PHACTR1: variants seen among roughly 807,000 people sequenced by gnomAD.
PHACTR1 encodes RPEL repeat containing 1.
PHACTR1 carries 16 observed loss-of-function variants against 69.2 expected under a neutral mutation model. That is an observed-to-expected ratio of 0.23 (90% CI 0.16 to 0.35). The LOEUF (loss-of-function observed/expected upper bound fraction) is 0.35. Among genes scored for constraint, PHACTR1 ranks in the 10% least tolerant of loss-of-function variants. The probability of loss-of-function intolerance (pLI) is 1.00; values close to 1 mark genes in which losing one functional copy is unlikely to be tolerated. For missense variants in PHACTR1, 510 were observed against 734.7 expected, an observed-to-expected ratio of 0.69 and a Z score of 3.54; for synonymous variants, 312 against 284.5, an observed-to-expected ratio of 1.10 and a Z score of -0.97.
chr6:13,058,972 A>G (rs986538311), intron 5 of PHACTR1, among the ~76,000 whole-genome samples: 5 of 152,160 alleles, frequency 3.3e-5, no homozygotes, highest in Non-Finnish European at 5.9e-5. Context: ...CATTATGCAG[A>G]TGATAGTAGC....
Position 13,206,018 on chromosome 6 carries a change from G to C in PHACTR1, c.868G>C (p.Gly290Arg). The stretch of plus-strand genomic sequence containing the variant: ...CCAGATCCAGCACCAGCTGCAGTAC[G>C]GCAGCCACGGCCAGCACCTCCCCTC... ...PSQIQHQLQYGSHGQHLPSTT... is the reference protein window; with the variant it reads ...PSQIQHQLQYRSHGQHLPSTT... Residue 290 changes from glycine (G) to arginine (R), a missense_variant, in exon 8 of 15, where the codon GGC (glycine) becomes CGC (arginine). Coordinates refer to ENST00000332995, the MANE Select transcript of PHACTR1 (RefSeq NM_030948.6). 6.2e-7 allele frequency: 1 copy of C among 1,613,670 alleles called. No individual in the cohort carries two copies. Among genetic ancestry groups the C allele is most frequent in the Non-Finnish European group, 8.5e-7 (1 of 1,179,828 alleles).
In PHACTR1 at chr6:12,920,099, A is replaced by T. The variant is rs1352021763; in HGVS notation, c.251-133266A>T. ...CTGAAATACATTATTTGCTCAAGAA[A>T]TATTGGTATGATTATTGCTGTTGTT... On this transcript the variant is annotated intron_variant, in intron 4 of 14. Coordinates refer to ENST00000332995, the MANE Select transcript of PHACTR1 (RefSeq NM_030948.6). 3.9e-5 allele frequency among the ~76,000 whole-genome samples: 6 copies of T among 152,374 alleles called. No homozygotes were observed. The East Asian group carries it at 1.2e-3, about 29-fold the overall frequency.
chr6:13,257,796 C>A (rs1775378472), intron 10 of PHACTR1, among the ~76,000 whole-genome samples: 1 of 152,124 alleles, frequency 6.6e-6, no homozygotes, highest in Admixed American at 6.5e-5. Flanking sequence ...CCTCCTTCAA[C>A]CTTTTATGAC....
intron 8 of PHACTR1, among the ~76,000 whole-genome samples, chr6:13,207,735 G>A (rs1275852740): frequency 6.6e-6 from 1 of 152,212 alleles, no homozygotes; most frequent in African/African-American, 2.4e-5. Context: ...GAGGTGCAAA[G>A]GGTATCTCTG....
At position 13,210,513 on chromosome 6, in the gene PHACTR1, C is replaced by T. The variant is rs893216604; in HGVS notation, c.986+4377C>T. Among the ~76,000 whole-genome samples, 4 of 152,164 alleles carry T rather than the reference C, an allele frequency of 2.6e-5. No homozygotes were observed. The South Asian group carries it at 6.2e-4, about 24-fold the overall frequency. On this transcript the variant is annotated intron_variant, in intron 8 of 14. Coordinates refer to ENST00000332995, the MANE Select transcript of PHACTR1 (RefSeq NM_030948.6). The stretch of plus-strand genomic sequence containing the variant: ...GTCCGAGCTGGTGGCATCACACACC[C>T]CTACTTCAGGACAAAGTGTGTGGGT...
At chr6:12,933,736 C>T (rs906030012) in intron 4 of PHACTR1, 1 of 1,612,820 alleles carries the variant, frequency 6.2e-7, no homozygotes, top group Non-Finnish European at 8.5e-7. Context: ...AAAACCACGG[C>T]CTCCTGAAGA....
chr6:12,718,566 A>G, intron 2 of PHACTR1, 133 bp from the exon 3 acceptor site: 1 of 357,302 alleles, frequency 2.8e-6, no homozygotes, highest in Non-Finnish European at 5.0e-6. Flanking sequence ...GGGTGGCTTT[A>G]GAATTGCAAA....
chr6:12,939,999 G>A (rs751598400), intron 4 of PHACTR1, among the ~76,000 whole-genome samples: 46 of 152,112 alleles, frequency 3.0e-4, no homozygotes, highest in Admixed American at 5.9e-4. Context: ...AGGTAAATGC[G>A]GCAAGAAAGG....
intron 4 of PHACTR1, among the ~76,000 whole-genome samples, chr6:12,793,424 C>T (rs1772581651): frequency 6.6e-6 from 1 of 152,154 alleles, no homozygotes; most frequent in African/African-American, 2.4e-5. Context: ...TGTCCTAGTG[C>T]CTTTTTCTCC....
chr6:13,188,840 TCA>T (rs1763138616), intron 7 of PHACTR1, among the ~76,000 whole-genome samples: 1 of 152,244 alleles, frequency 6.6e-6, no homozygotes, highest in Non-Finnish European at 1.5e-5. Flanking sequence ...GTTGTTGGCA[TCA>T]GTTTCCTTTG....
intron 5 of PHACTR1, among the ~76,000 whole-genome samples, chr6:13,094,861 A>G (rs1813906225): frequency 6.6e-6 from 1 of 152,182 alleles, no homozygotes; most frequent in African/African-American, 2.4e-5. Context: ...TCTCCCTTTT[A>G]TGGACTGAGT....
intron 10 of PHACTR1, among the ~76,000 whole-genome samples, chr6:13,251,026 C>T (rs1473049245): frequency 6.6e-6 from 1 of 152,178 alleles, no homozygotes; most frequent in African/African-American, 2.4e-5. Flanking sequence ...CACAATCAAT[C>T]TTCTGATCAG....
At chr6:12,906,347 A>G (rs1450434477) in intron 4 of PHACTR1, among the ~76,000 whole-genome samples, 1 of 152,210 alleles carries the variant, frequency 6.6e-6, no homozygotes, top group Non-Finnish European at 1.5e-5. Context: ...ATAGAGCTAG[A>G]GTGCTCAAGG....
Position 13,053,549 on chromosome 6 carries a change from C to T in PHACTR1, c.415+20C>T, listed in dbSNP as rs756977376. 1 of 1,607,634 alleles carries T rather than the reference C, an allele frequency of 6.2e-7. No homozygotes were observed. Among genetic ancestry groups the T allele is most frequent in the South Asian group, 1.1e-5 (1 of 89,676 alleles). Reference sequence around the variant, plus strand: ...CAGCAGGTAAGATGATTTGTTCTTTCATTTCCCATTTGGTGTTTGTTGCCT... The same window carrying T: ...CAGCAGGTAAGATGATTTGTTCTTTTATTTCCCATTTGGTGTTTGTTGCCT... On this transcript the variant is annotated intron_variant, in intron 5 of 14. Transcript: ENST00000332995.
chr6:12,956,096 A>T (rs531687854), intron 4 of PHACTR1, among the ~76,000 whole-genome samples: 1 of 152,320 alleles, frequency 6.6e-6, no homozygotes, highest in Non-Finnish European at 1.5e-5. Context: ...GGGAAGATCC[A>T]GGAGAGAGAA....
chr6:13,187,207 T>C (rs539433499), intron 7 of PHACTR1, among the ~76,000 whole-genome samples: 58 of 152,256 alleles, frequency 3.8e-4, no homozygotes, highest in African/African-American at 1.3e-3. Flanking sequence ...CCAGTACAGG[T>C]TCATGGCCCT....
intron 9 of PHACTR1, among the ~76,000 whole-genome samples, chr6:13,229,726 T>TC (rs34240800): frequency 6.6e-6 from 1 of 152,098 alleles, no homozygotes; most frequent in Non-Finnish European, 1.5e-5. Context: ...CTGTCCTATC[T>TC]CCCCCTTTGC....
At chr6:13,241,329 C>G (rs1300618964) in intron 10 of PHACTR1, among the ~76,000 whole-genome samples, 1 of 152,128 alleles carries the variant, frequency 6.6e-6, no homozygotes, top group African/African-American at 2.4e-5. Flanking sequence ...GGCCCTTGGG[C>G]TAATGGCATC....
chr6:13,196,682 G>A (rs1764484758), intron 7 of PHACTR1: 1 of 152,600 alleles, frequency 6.6e-6, no homozygotes, highest in Non-Finnish European at 1.5e-5. Context: ...GCCTCCCAAA[G>A]TACTGGGATT....
Sources: gnomAD v4.1 joint callset for allele counts (sites outside exome capture counted in the v4.1 genomes callset) on GRCh38, gnomAD v4.1.1 for gene constraint, MANE v1.5 for transcripts, NCBI Gene and HGNC (gene_info 2026-07-23, HGNC 2026-07-21) for gene names.